Variants in MKKS observed in about 807,000 individuals in gnomAD.
MKKS encodes MKKS centrosomal shuttling protein.
Under a neutral mutation model 33.2 loss-of-function variants are expected in MKKS, and 29 were observed. The ratio of observed to expected loss-of-function variants is 0.87; its 90% CI spans 0.65 to 1.19. The LOEUF is 1.19. Ranked by LOEUF, MKKS falls within the 50% of genes most tolerant of loss-of-function variation. MKKS has a pLI of 0.00. For synonymous variants in MKKS, 260 were observed against 244.0 expected, an observed-to-expected ratio of 1.07 and a Z score of -0.61; for missense variants, 661 against 662.3, an observed-to-expected ratio of 1.00 and a Z score of 0.02.
In MKKS at chr20:10,413,484, A is replaced by G. The variant is rs1443376346; in HGVS notation, c.31T>C (p.Leu11=). The change falls in exon 3 of 6, where the codon TTG becomes CTG. Residue 11 remains leucine, a synonymous_variant. Transcript: ENST00000347364. ...GTTGTCAGTGGTTCACTCTTACACA[A>G]TGATGGCTTCTTAGCTTCCAAACGA... MSRLEAKKPS[L]CKSEPLTTER... is the part of the protein sequence containing the mutation. 2 of 1,614,214 alleles carry G rather than the reference A, an allele frequency of 1.2e-6. No individual in the cohort carries two copies. Among genetic ancestry groups the G allele is most frequent in the South Asian group, 1.1e-5 (1 of 91,088 alleles).
chr20:10,433,944 C>T (rs1334124264), intron 1 of MKKS, among the ~76,000 whole-genome samples, 164 bp downstream of exon 1: 2 of 152,214 alleles, frequency 1.3e-5, no homozygotes, highest in African/African-American at 2.4e-5. Flanking sequence ...GGTCTTTCGC[C>T]TCCTACAGAG....
intron 1 of MKKS, chr20:10,431,784 C>T (rs963528382): frequency 9.2e-5 from 14 of 152,188 alleles, no homozygotes; most frequent in African/African-American, 3.4e-4. Context: ...TGCTATATTC[C>T]TAGTGCGTAG....
In MKKS at chr20:10,403,333, A is replaced by G. The variant is rs6514111; in HGVS notation, c.*1914T>C. 31,723 of 152,162 alleles carry G rather than the reference A, an allele frequency of 0.21. 4,020 individuals carry two copies. Among genetic ancestry groups the G allele is most frequent in the African/African-American group, 0.34 (14,004 of 41,484 alleles). The allele number at this position is 152,162 out of a possible 1,614,324, so 9.4% of individuals were successfully genotyped here. On this transcript the variant is annotated 3_prime_UTR_variant, in exon 6 of 6. Transcript: ENST00000347364. ...CCCACCTACACCCAGAGAGTGAACC[A>G]CCAGGAAGTGAGATTATTGGGAACC...
chr20:10,413,001 C>G lies in MKKS; in HGVS notation c.514G>C (p.Glu172Gln). ...PACMLTRKETEHVSALILRAF... is the reference protein window; with the variant it reads ...PACMLTRKETQHVSALILRAF... ...CTCAGGATCAAAGCACTGACATGCT[C>G]TGTTTCCTTTCTGGTGAGCATACAG... Residue 172 changes from glutamate to glutamine, a missense_variant, in exon 3 of 6, where the codon GAG becomes CAG. Transcript: ENST00000347364. 1 of 1,614,102 alleles carries G rather than the reference C, an allele frequency of 6.2e-7. No individual in the cohort carries two copies. The highest frequency in any genetic ancestry group is 8.5e-7 in the Non-Finnish European group (1 of 1,180,040).
At chr20:10,411,288 C>T (rs2064884533) in intron 3 of MKKS, among the ~76,000 whole-genome samples, 1 of 151,918 alleles carries the variant, frequency 6.6e-6, no homozygotes, top group East Asian at 1.9e-4. Context: ...CCAGCCCTTT[C>T]TGTTTTTTTA....
chr20:10,433,340 C>T (rs571523615), intron 1 of MKKS, among the ~76,000 whole-genome samples: 8 of 152,360 alleles, frequency 5.3e-5, no homozygotes, highest in South Asian at 2.1e-4. Context: ...TGGTTGAATT[C>T]ACACATGCGG....
chr20:10,413,790 G>A lies in MKKS; in HGVS notation c.-276C>T, dbSNP rs1238621164. On this transcript the variant is annotated 5_prime_UTR_variant, in exon 3 of 6. Coordinates refer to ENST00000347364, the MANE Select transcript of MKKS (RefSeq NM_170784.3). ...AGACTGAAATTTTACAGACTGCTTT[G>A]CAGACCTCTGCAAAAAGTATGTTCC... The A allele has an allele frequency of 3.6e-6, 2 of 562,812 alleles. No individual in the cohort carries two copies. Among genetic ancestry groups the A allele is most frequent in the Non-Finnish European group, 6.3e-6 (2 of 319,348 alleles). The allele number at this position is 562,812 out of a possible 1,614,324, so 34.9% of individuals were successfully genotyped here.
At position 10,415,618 on chromosome 20, in the gene MKKS, A is replaced by T. The variant is rs1270800999; in HGVS notation, c.-417-1687T>A. ...TTTCAATGGCTATTACAGATTCAGC[A>T]AAATCTGAGAAATACATTTAAATGA... On this transcript the variant is annotated intron_variant, in intron 2 of 5. Transcript: ENST00000347364. Among the ~76,000 whole-genome samples, 8 of 152,240 alleles carry T rather than the reference A, an allele frequency of 5.3e-5. 1 individual carries two copies. Among genetic ancestry groups the T allele is most frequent in the Non-Finnish European group, 1.2e-4 (8 of 68,042 alleles).
At chr20:10,429,902 G>A (rs1406721870) in intron 1 of MKKS, among the ~76,000 whole-genome samples, 1 of 152,092 alleles carries the variant, frequency 6.6e-6, no homozygotes, top group Non-Finnish European at 1.5e-5. Context: ...GAAACTCTAG[G>A]GTGGGGTCCA....
At chr20:10,431,537 C>A (rs1310929569) in intron 1 of MKKS, 1 of 79,596 alleles carries the variant, frequency 1.3e-5, no homozygotes, top group Non-Finnish European at 2.4e-5. Flanking sequence ...AAAACCAAAC[C>A]AAACCAAACC....
intron 1 of MKKS, among the ~76,000 whole-genome samples, chr20:10,426,128 T>C (rs889101276): frequency 6.6e-6 from 1 of 152,238 alleles, no homozygotes; most frequent in Non-Finnish European, 1.5e-5. Flanking sequence ...CATAGCAACT[T>C]TATGAGATCA....
intron 1 of MKKS, among the ~76,000 whole-genome samples, chr20:10,432,613 C>G (rs1448172329): frequency 6.6e-6 from 1 of 151,828 alleles, no homozygotes; most frequent in Non-Finnish European, 1.5e-5. Context: ...GCCAACATGG[C>G]GAAACACCAT....
At chr20:10,432,979 T>C (rs1160582817) in intron 1 of MKKS, among the ~76,000 whole-genome samples, 1 of 152,190 alleles carries the variant, frequency 6.6e-6, no homozygotes, top group Admixed American at 6.5e-5. Flanking sequence ...TCAGTACAGA[T>C]GTAACCATCT....
intron 1 of MKKS, among the ~76,000 whole-genome samples, chr20:10,428,553 T>C (rs1011101304): frequency 6.6e-6 from 1 of 152,186 alleles, no homozygotes; most frequent in Admixed American, 6.5e-5. Context: ...CTAAATCTTC[T>C]TTCAGCTGGG....
At chr20:10,422,427 G>C (rs1044988211) in intron 1 of MKKS, among the ~76,000 whole-genome samples, 10 of 152,090 alleles carry the variant, frequency 6.6e-5, no homozygotes, top group African/African-American at 2.4e-4. Flanking sequence ...ATTTCATTGT[G>C]AAGTCCAAAG....
intron 1 of MKKS, among the ~76,000 whole-genome samples, chr20:10,430,474 GA>G (rs897213515): frequency 1.3e-5 from 2 of 151,856 alleles, no homozygotes; most frequent in Admixed American, 1.3e-4. Context: ...ATGTCAAAAA[GA>G]AAAAAAACAT....
At position 10,413,700 on chromosome 20, in the gene MKKS, A is replaced by G. The variant is rs775098864; in HGVS notation, c.-186T>C. ...AAGCTAATCAGCATAGAATGATTTA[A>G]TGACAAATTAGTAATTCCAAATATT... On this transcript the variant is annotated 5_prime_UTR_variant, in exon 3 of 6. Coordinates refer to ENST00000347364, the MANE Select transcript of MKKS (RefSeq NM_170784.3). 6 of 635,944 alleles carry G rather than the reference A, an allele frequency of 9.4e-6. No homozygotes were observed. The highest frequency in any genetic ancestry group is 1.1e-5 in the Non-Finnish European group (4 of 369,390). The allele number at this position is 635,944 out of a possible 1,614,324, so 39.4% of individuals were successfully genotyped here.
chr20:10,427,029 G>GACACACACACAGACACACACACACACAC (rs1226255722), intron 1 of MKKS, among the ~76,000 whole-genome samples: 67 of 130,782 alleles, frequency 5.1e-4, no homozygotes, highest in Middle Eastern at 4.2e-3. Context: ...AGAAAACACT[G>GACACACACACAGACACACACACACACAC]ACACACACAC....
chr20:10,424,401 A>C (rs2065001313), intron 1 of MKKS, among the ~76,000 whole-genome samples: 1 of 152,114 alleles, frequency 6.6e-6, no homozygotes, highest in Non-Finnish European at 1.5e-5. Flanking sequence ...TTTTAAAAGA[A>C]AAAACATATA....
Sources: gnomAD v4.1 joint callset for allele counts (sites outside exome capture counted in the v4.1 genomes callset) on GRCh38, gnomAD v4.1.1 for gene constraint, MANE v1.5 for transcripts, NCBI Gene and HGNC (gene_info 2026-07-23, HGNC 2026-07-21) for gene names.